The following PREX1 variants were observed in gnomAD, a reference collection of about 807,000 sequenced individuals.
PREX1 encodes phosphatidylinositol-3,4,5-trisphosphate dependent Rac exchange factor 1.
PREX1 carries 41 observed loss-of-function variants against 198.3 expected under a neutral mutation model. The observed-to-expected ratio is 0.21, with a 90% confidence interval of 0.16 to 0.27. The LOEUF is 0.27. Among genes scored for constraint, PREX1 ranks in the 10% least tolerant of loss-of-function variants. The pLI is 1.00. For synonymous variants in PREX1, 843 were observed against 887.2 expected (o/e 0.95, Z 0.89); for missense variants, 1,620 against 2,200.7 (o/e 0.74, Z 5.28).
chr20:48,759,564 A>AAAAAG lies in PREX1; in HGVS notation c.220-11689_220-11685dup, dbSNP rs1568853616. 4.5e-4 allele frequency among the ~76,000 whole-genome samples: 68 copies of AAAAAG among 150,900 alleles called. 2 individuals are homozygous for AAAAAG. The highest frequency in any genetic ancestry group is 7.0e-4 in the Non-Finnish European group (47 of 67,570). ...GATTCCATCTCAAAAAAAAAAAAAA[A>AAAAAG]AAAAGAAAAGAAAGAAAAAAAGAAA... is the stretch of plus-strand genomic sequence containing the variant. On this transcript the variant is annotated intron_variant, in intron 1 of 39. Coordinates refer to ENST00000371941, the MANE Select transcript of PREX1 (RefSeq NM_020820.4).
At chr20:48,880,981 T>TAAAAAAAAAAAAAAA in the PREX1 span, among the ~76,000 whole-genome samples, 15 of 20,996 alleles carry the variant, frequency 7.1e-4, 2 homozygotes, top group African/African-American at 2.3e-3. Flanking sequence ...AAACCATTGC[T>TAAAAAAAAAAAAAAA]AAAAAAAAAA....
At chr20:48,680,847 GT>G (rs1440481047) in intron 11 of PREX1, among the ~76,000 whole-genome samples, 1 of 151,736 alleles carries the variant, frequency 6.6e-6, no homozygotes. Context: ...AGATCTTATC[GT>G]CCCCTCCAAC....
intron 7 of PREX1, among the ~76,000 whole-genome samples, chr20:48,697,333 C>T (rs1215119422): frequency 6.6e-6 from 1 of 151,848 alleles, no homozygotes; most frequent in Non-Finnish European, 1.5e-5. Context: ...ACATAATTTG[C>T]TCAAGGTAGC....
At chr20:48,861,199 C>G in the PREX1 span, among the ~76,000 whole-genome samples, 4 of 152,146 alleles carry the variant, frequency 2.6e-5, no homozygotes, top group African/African-American at 9.7e-5. Context: ...AGAACAGCAT[C>G]ACAGTGAAAG....
the PREX1 span, among the ~76,000 whole-genome samples, chr20:48,854,258 G>A: frequency 6.6e-6 from 1 of 152,200 alleles, no homozygotes; most frequent in African/African-American, 2.4e-5. Context: ...CAGGGGAGGA[G>A]ATCTAAGCCT....
intron 5 of PREX1, among the ~76,000 whole-genome samples, chr20:48,722,469 G>C (rs1402981885): frequency 6.6e-6 from 1 of 152,252 alleles, no homozygotes; most frequent in African/African-American, 2.4e-5. Flanking sequence ...AGGATGGACA[G>C]TAAGTGTTTA....
chr20:48,749,015 C>A (rs559839850), intron 1 of PREX1, among the ~76,000 whole-genome samples: 3 of 152,178 alleles, frequency 2.0e-5, no homozygotes, highest in African/African-American at 7.2e-5. Flanking sequence ...GGCCTGGCAC[C>A]AGGTGGTGTG....
chr20:48,636,379 A>T (rs912226561), intron 32 of PREX1, 84 bp downstream of exon 32: 1 of 1,372,730 alleles, frequency 7.3e-7, no homozygotes, highest in African/African-American at 1.4e-5. Context: ...AGCCTGAGTA[A>T]GTGGGCAAGG....
intron 1 of PREX1, among the ~76,000 whole-genome samples, chr20:48,749,072 G>A (rs368586893): frequency 5.3e-4 from 81 of 152,248 alleles, no homozygotes; most frequent in African/African-American, 1.9e-3. Context: ...TCACACGTAT[G>A]GGCTGAGAGA....
chr20:48,730,449 G>A (rs1333226062), intron 4 of PREX1, among the ~76,000 whole-genome samples: 15 of 133,756 alleles, frequency 1.1e-4, no homozygotes, highest in African/African-American at 3.0e-4. Context: ...ACACACACAC[G>A]CACATCCTGA....
rs370721555 is a variant in PREX1, at chr20:48,665,899, A to G, written c.1738+384T>C. Among the ~76,000 whole-genome samples, 18 of 152,096 alleles carry G rather than the reference A, an allele frequency of 1.2e-4. 2 individuals carry two copies. The highest frequency in any genetic ancestry group is 1.0e-3 in the Admixed American group (16 of 15,276). ...CCAGGAAGGGCTTCCTGCCTCTCAC[A>G]TTCACAACCCACCTGCCCACTGTCC... On this transcript the variant is annotated intron_variant, in intron 15 of 39. Transcript: ENST00000371941.
At chr20:48,798,908 TC>T (rs200026523) in intron 1 of PREX1, among the ~76,000 whole-genome samples, 11 of 152,270 alleles carry the variant, frequency 7.2e-5, no homozygotes, top group Non-Finnish European at 1.0e-4. Context: ...ATAACTTTTT[TC>T]TTTTTGAGAC....
rs563259226 is a variant in PREX1 at position 48,634,183 on chromosome 20, G to C, written c.4267+493C>G. 1.4e-3 allele frequency among the ~76,000 whole-genome samples: 180 copies of C among 130,894 alleles called. 5 individuals are homozygous for C. The South Asian group carries it at 0.04, about 29-fold the overall frequency. The allele number at this position is 130,894 out of a possible 152,430, so 85.9% of individuals were successfully genotyped here. On this transcript the variant is annotated intron_variant, in intron 33 of 39. Transcript: ENST00000371941. ...GGATGGATGGATGGATGCATGGATGGATGGATGGATGGATGGATAAATAAA... is the reference window on the plus strand; with the variant it reads ...GGATGGATGGATGGATGCATGGATGCATGGATGGATGGATGGATAAATAAA...
At chr20:48,847,364 T>TAAAAAAAAAAAAAAA in the PREX1 span, among the ~76,000 whole-genome samples, 191 of 77,100 alleles carry the variant, frequency 2.5e-3, 1 homozygote, top group South Asian at 3.8e-3. Context: ...CCTTCTCTTA[T>TAAAAAAAAAAAAAAA]AAAAAAAAAA....
At chr20:48,639,743 A>T in intron 30 of PREX1, 23 bp downstream of exon 30, 1 of 1,612,002 alleles carries the variant, frequency 6.2e-7, no homozygotes, top group East Asian at 2.2e-5. Flanking sequence ...CCCCACCATG[A>T]TGCACCCTCC....
At chr20:48,875,858 G>C in the PREX1 span, among the ~76,000 whole-genome samples, 1 of 152,154 alleles carries the variant, frequency 6.6e-6, no homozygotes, top group Non-Finnish European at 1.5e-5. Context: ...AGGCCAAGGC[G>C]GGGTGTTTGG....
chr20:48,645,294 G>C (rs1437407284), intron 26 of PREX1, among the ~76,000 whole-genome samples: 1 of 152,176 alleles, frequency 6.6e-6, no homozygotes, highest in Non-Finnish European at 1.5e-5. Context: ...CTTTCACTGG[G>C]ACCACAGTGC....
chr20:48,703,544 G>A (rs2089886466), intron 6 of PREX1, among the ~76,000 whole-genome samples: 1 of 152,224 alleles, frequency 6.6e-6, no homozygotes, highest in Non-Finnish European at 1.5e-5. Flanking sequence ...CGGTTCAGCA[G>A]TCCCTGGAGC....
intron 1 of PREX1, among the ~76,000 whole-genome samples, chr20:48,808,731 C>T (rs2090422565): frequency 6.6e-6 from 1 of 152,230 alleles, no homozygotes; most frequent in South Asian, 2.1e-4. Flanking sequence ...CCTCCCTACT[C>T]CTACTGCCAC....
Sources: allele counts gnomAD v4.1 joint callset (sites outside exome capture counted in the v4.1 genomes callset), GRCh38; gene constraint gnomAD v4.1.1; transcripts MANE v1.5; gene names NCBI Gene and HGNC (gene_info 2026-07-23, HGNC 2026-07-21).